Variants in SGCZ observed in about 807,000 individuals in gnomAD.
SGCZ encodes the protein zeta-sarcoglycan.
A neutral mutation model predicts 41.3 loss-of-function variants in SGCZ; 40 were observed. The observed-to-expected ratio is 0.97, with a 90% CI of 0.75 to 1.26. The LOEUF is 1.26. Among genes scored for constraint, SGCZ ranks in the 50% most tolerant of loss-of-function variants. The pLI is 0.00. For missense variants in SGCZ, 552 were observed against 369.8 expected (o/e 1.49, Z -4.04); for synonymous variants, 206 against 137.5 (o/e 1.50, Z -3.49).
rs114789771 is a variant in SGCZ at position 14,659,876 on chromosome 8, G to T, written c.40-104950C>A. Among the ~76,000 whole-genome samples the T allele has an allele frequency of 3.5e-3, 528 of 152,262 alleles. 5 individuals are homozygous for T. The highest frequency in any genetic ancestry group is 0.012 in the African/African-American group (507 of 41,566). ...GATCATACAGGAGTACCTATTACAGGTCACACTTTAGCCCTAATCCAGTAT... is the reference window on the plus strand; with the variant it reads ...GATCATACAGGAGTACCTATTACAGTTCACACTTTAGCCCTAATCCAGTAT... On this transcript the variant is annotated intron_variant, in intron 1 of 7. Coordinates refer to ENST00000382080, the MANE Select transcript of SGCZ (RefSeq NM_139167.4).
intron 2 of SGCZ, among the ~76,000 whole-genome samples, chr8:14,337,744 G>T (rs374021525): frequency 6.6e-6 from 1 of 152,116 alleles, no homozygotes; most frequent in Admixed American, 6.5e-5. Flanking sequence ...TTCTGGGTGA[G>T]AATGATACAA....
chr8:14,192,096 C>CAT (rs879301769), intron 4 of SGCZ, among the ~76,000 whole-genome samples: 44 of 151,862 alleles, frequency 2.9e-4, no homozygotes, highest in Non-Finnish European at 5.4e-4. Flanking sequence ...AATCAAAGCA[C>CAT]ATATATATAA....
intron 1 of SGCZ, among the ~76,000 whole-genome samples, chr8:15,064,846 T>C (rs1805068758): frequency 6.6e-6 from 1 of 152,152 alleles, no homozygotes; most frequent in Non-Finnish European, 1.5e-5. Context: ...TGGCTTTCTG[T>C]GTAGAGAGAG....
chr8:15,048,721 G>T (rs1804405277), intron 1 of SGCZ, among the ~76,000 whole-genome samples: 1 of 152,058 alleles, frequency 6.6e-6, no homozygotes, highest in African/African-American at 2.4e-5. Context: ...AAGAATATCT[G>T]TTTATAATCT....
intron 1 of SGCZ, among the ~76,000 whole-genome samples, chr8:14,752,227 G>A (rs754588160): frequency 6.6e-6 from 1 of 151,260 alleles, no homozygotes; most frequent in Non-Finnish European, 1.5e-5. Context: ...GTTTTCGCAG[G>A]GTTTTCTCTT....
intron 3 of SGCZ, among the ~76,000 whole-genome samples, chr8:14,253,351 G>A (rs760209839): frequency 6.6e-6 from 1 of 151,732 alleles, no homozygotes; most frequent in African/African-American, 2.4e-5. Flanking sequence ...ATAAGCAACT[G>A]TAATATATTA....
At chr8:15,037,900 G>A (rs189201110) in intron 1 of SGCZ, among the ~76,000 whole-genome samples, 124 of 152,034 alleles carry the variant, frequency 8.2e-4, no homozygotes, top group African/African-American at 2.8e-3. Flanking sequence ...CAGAAATAAG[G>A]CTTACCAATA....
chr8:14,381,421 T>G (rs766601754), intron 2 of SGCZ, among the ~76,000 whole-genome samples: 2 of 152,244 alleles, frequency 1.3e-5, no homozygotes, highest in East Asian at 3.9e-4. Context: ...TTTTACCACT[T>G]CCTGCCCCCT....
intron 1 of SGCZ, among the ~76,000 whole-genome samples, chr8:15,070,580 T>G (rs939111077): frequency 1.3e-5 from 2 of 152,110 alleles, no homozygotes; most frequent in Non-Finnish European, 2.9e-5. Context: ...ATAGGGCCCA[T>G]GGGCCTTCCA....
chr8:14,326,072 A>C (rs1446845230), intron 2 of SGCZ, among the ~76,000 whole-genome samples: 1 of 122,442 alleles, frequency 8.2e-6, no homozygotes, highest in African/African-American at 2.9e-5. Flanking sequence ...AGATCGCTCC[A>C]CTGAACTCCA....
At chr8:14,329,077 A>G (rs896713725) in intron 2 of SGCZ, among the ~76,000 whole-genome samples, 2 of 151,982 alleles carry the variant, frequency 1.3e-5, no homozygotes, top group Non-Finnish European at 2.9e-5. Flanking sequence ...TTTTTCTTCT[A>G]AATTACCTAG....
At chr8:14,971,474 T>C (rs1215030037) in intron 1 of SGCZ, among the ~76,000 whole-genome samples, 1 of 152,162 alleles carries the variant, frequency 6.6e-6, no homozygotes, top group Admixed American at 6.5e-5. Flanking sequence ...AGAATTTTTA[T>C]CAGGAAAGAG....
At chr8:14,389,841 T>C (rs1347059479) in intron 2 of SGCZ, among the ~76,000 whole-genome samples, 1 of 152,042 alleles carries the variant, frequency 6.6e-6, no homozygotes, top group Non-Finnish European at 1.5e-5. Context: ...AGTGTCTTAG[T>C]TTTCTCAAAA....
intron 1 of SGCZ, among the ~76,000 whole-genome samples, chr8:14,661,164 C>T (rs1021583493): frequency 2.0e-5 from 3 of 152,002 alleles, no homozygotes; most frequent in African/African-American, 4.8e-5. Context: ...TGCGTTTTAT[C>T]ATTTAGGTAG....
At chr8:14,854,246 CAG>C (rs1803462756) in intron 1 of SGCZ, among the ~76,000 whole-genome samples, 5 of 151,452 alleles carry the variant, frequency 3.3e-5, no homozygotes. Context: ...GCTTTTGACA[CAG>C]AGTTGGTGTT....
intron 1 of SGCZ, among the ~76,000 whole-genome samples, chr8:14,829,615 C>A (rs1319635691): frequency 6.6e-6 from 1 of 152,046 alleles, no homozygotes; most frequent in Non-Finnish European, 1.5e-5. Context: ...AGATAATTTC[C>A]AATTTTCTGC....
At chr8:14,112,188 T>C (rs1802391989) in intron 5 of SGCZ, among the ~76,000 whole-genome samples, 1 of 149,962 alleles carries the variant, frequency 6.7e-6, no homozygotes, top group Non-Finnish European at 1.5e-5. Context: ...TTTTAAGTTA[T>C]TTGACCTGAT....
intron 2 of SGCZ, among the ~76,000 whole-genome samples, chr8:14,408,754 T>C (rs11988167): frequency 0.13 from 20,513 of 152,068 alleles, 3,016 homozygotes; most frequent in African/African-American, 0.37. Context: ...ATCCTGAATT[T>C]TCTAAATCCC....
At chr8:14,263,444 G>C (rs183284949) in intron 3 of SGCZ, among the ~76,000 whole-genome samples, 28 of 152,162 alleles carry the variant, frequency 1.8e-4, no homozygotes, top group Admixed American at 8.5e-4. Flanking sequence ...AGCTACTCAG[G>C]AGGCTGAGGC....
Sources: gnomAD v4.1 joint callset for allele counts (sites outside exome capture counted in the v4.1 genomes callset) on GRCh38, gnomAD v4.1.1 for gene constraint, MANE v1.5 for transcripts, NCBI Gene and HGNC (gene_info 2026-07-23, HGNC 2026-07-21) for gene names.